The following CGNL1 variants were observed in gnomAD, a reference collection of about 807,000 sequenced individuals.
CGNL1 encodes cingulin like 1.
Under a neutral mutation model 141.2 loss-of-function variants are expected in CGNL1, and 132 were observed. The ratio of observed to expected loss-of-function variants is 0.93; its 90% confidence interval spans 0.81 to 1.08. The LOEUF is 1.08. CGNL1 is among the 50% of genes least tolerant of loss of function. The probability of loss-of-function intolerance (pLI) is 0.00; values close to 1 mark genes in which losing one functional copy is unlikely to be tolerated. For missense variants in CGNL1, 1,870 were observed against 1,588.6 expected, an observed-to-expected ratio of 1.18 and a Z score of -3.01; for synonymous variants, 690 against 622.1, an observed-to-expected ratio of 1.11 and a Z score of -1.63.
intron 6 of CGNL1, among the ~76,000 whole-genome samples, chr15:57,452,596 A>G (rs532034850): frequency 6.6e-6 from 1 of 152,292 alleles, no homozygotes; most frequent in East Asian, 1.9e-4. Flanking sequence ...TGATACTGAA[A>G]GACAGAGTTC....
chr15:57,427,447 G>T (rs1023461897), intron 1 of CGNL1, among the ~76,000 whole-genome samples: 1 of 152,206 alleles, frequency 6.6e-6, no homozygotes, highest in Non-Finnish European at 1.5e-5. Flanking sequence ...GACTGGGTTG[G>T]TTTGTGAATC....
chr15:57,430,274 C>T (rs766972401), intron 1 of CGNL1, among the ~76,000 whole-genome samples: 1 of 152,304 alleles, frequency 6.6e-6, no homozygotes, highest in Middle Eastern at 3.4e-3. Context: ...CCTGCTTCTG[C>T]ATCTCGGAGT....
intron 8 of CGNL1, among the ~76,000 whole-genome samples, chr15:57,466,286 A>G (rs2063510783): frequency 6.6e-6 from 1 of 152,076 alleles, no homozygotes; most frequent in African/African-American, 2.4e-5. Flanking sequence ...GTTCGTGGCC[A>G]TGGCTGGAAC....
intron 1 of CGNL1, among the ~76,000 whole-genome samples, chr15:57,428,910 C>G (rs545325548): frequency 3.1e-4 from 47 of 152,152 alleles, no homozygotes; most frequent in African/African-American, 1.0e-3. Context: ...GTAATCCCAG[C>G]TACTCCGGAG....
chr15:57,531,650 G>C (rs1302246929), intron 13 of CGNL1, 40 bp from the exon 14 acceptor site: 1 of 1,355,424 alleles, frequency 7.4e-7, no homozygotes, highest in Admixed American at 1.7e-5. Context: ...ATCCCGGTCA[G>C]TGCAAGTTAA....
intron 8 of CGNL1, among the ~76,000 whole-genome samples, chr15:57,496,400 A>C (rs548911292): frequency 1.3e-5 from 2 of 152,124 alleles, no homozygotes; most frequent in Non-Finnish European, 2.9e-5. Flanking sequence ...CACAAACCCT[A>C]TTGTTAACTG....
chr15:57,405,651 T>C (rs190313783), intron 1 of CGNL1, among the ~76,000 whole-genome samples: 1 of 152,294 alleles, frequency 6.6e-6, no homozygotes, highest in Admixed American at 6.5e-5. Context: ...CTGTGCCTTC[T>C]TATGTCCTCC....
chr15:57,386,245 G>T (rs1361919450), intron 1 of CGNL1, among the ~76,000 whole-genome samples: 3 of 152,124 alleles, frequency 2.0e-5, no homozygotes, highest in Non-Finnish European at 4.4e-5. Context: ...TGGTGGAGTG[G>T]GGCCTGTGCT....
Position 57,438,361 on chromosome 15 carries a change from T to C in CGNL1, c.362T>C (p.Leu121Pro). The change falls in exon 2 of 19, where the codon CTG (leucine) becomes CCG (proline). Residue 121 changes from leucine (L) to proline (P), a missense_variant. Coordinates refer to ENST00000281282, the MANE Select transcript of CGNL1 (RefSeq NM_032866.5). Reference sequence around the variant, plus strand: ...CCAATAAGAAACCTGAAACAGCCCCTGCTCCATGAGGGCAAGAATGGAGTT... The same window carrying C: ...CCAATAAGAAACCTGAAACAGCCCCCGCTCCATGAGGGCAAGAATGGAGTT... ...PSPIRNLKQP[L>P]LHEGKNGVLD... The C allele has an allele frequency of 1.2e-6, 2 of 1,614,110 alleles. No homozygotes were observed. Among genetic ancestry groups the C allele is most frequent in the East Asian group, 2.2e-5 (1 of 44,882 alleles).
At chr15:57,480,966 T>C (rs2063717429) in intron 8 of CGNL1, among the ~76,000 whole-genome samples, 1 of 151,996 alleles carries the variant, frequency 6.6e-6, no homozygotes. Context: ...TAATGAACAG[T>C]ACACCTTAAA....
In CGNL1 at chr15:57,452,006, T is replaced by C. The variant is rs543050684; in HGVS notation, c.1906-135T>C. ...TTTCTAGTTAAGAACTCCTGTGCCT[T>C]AATTATATAGTTTGATTAAGTTGTT... On this transcript the variant is annotated intron_variant, in intron 5 of 18. Coordinates refer to ENST00000281282, the MANE Select transcript of CGNL1 (RefSeq NM_032866.5). 19 of 696,184 alleles carry C rather than the reference T, an allele frequency of 2.7e-5. No individual in the cohort carries two copies. The African/African-American group carries it at 2.8e-4, about 10-fold the overall frequency. The allele number at this position is 696,184 out of a possible 1,614,324, so 43.1% of individuals were successfully genotyped here.
intron 8 of CGNL1, among the ~76,000 whole-genome samples, chr15:57,501,877 A>C (rs569713196): frequency 3.9e-5 from 6 of 152,252 alleles, no homozygotes; most frequent in African/African-American, 1.2e-4. Context: ...ACAGGGGGGA[A>C]GTTCTGGGAA....
At chr15:57,535,981 G>A (rs550364433) in intron 14 of CGNL1, among the ~76,000 whole-genome samples, 7 of 152,222 alleles carry the variant, frequency 4.6e-5, no homozygotes, top group South Asian at 2.1e-4. Flanking sequence ...GTATTAGTTC[G>A]TTCTCACACT....
chr15:57,427,619 T>C (rs1166791164), intron 1 of CGNL1, among the ~76,000 whole-genome samples: 3 of 152,250 alleles, frequency 2.0e-5, no homozygotes, highest in African/African-American at 7.2e-5. Flanking sequence ...GATCTGTTGT[T>C]TTGAGTGACC....
rs1183147320 is a variant in CGNL1, at chr15:57,550,392, G to GT, written c.*2908dup. 2 of 152,486 alleles carry GT rather than the reference G, an allele frequency of 1.3e-5. No individual in the cohort carries two copies. Among genetic ancestry groups the GT allele is most frequent in the African/African-American group, 4.8e-5 (2 of 41,392 alleles). The allele number at this position is 152,486 out of a possible 1,614,324, so 9.4% of individuals were successfully genotyped here. Reference sequence around the variant, plus strand: ...TATTATATATACATACTTTTCTTCTGTTTTTTGCTTTAAGAACTAACCCCG... The same window carrying GT: ...TATTATATATACATACTTTTCTTCTGTTTTTTTGCTTTAAGAACTAACCCCG... On this transcript the variant is annotated 3_prime_UTR_variant, in exon 19 of 19. Coordinates refer to ENST00000281282, the MANE Select transcript of CGNL1 (RefSeq NM_032866.5).
chr15:57,389,430 CT>C (rs2062518486), intron 1 of CGNL1, among the ~76,000 whole-genome samples: 1 of 152,146 alleles, frequency 6.6e-6, no homozygotes, highest in African/African-American at 2.4e-5. Context: ...AATTTCATGC[CT>C]TTTGTGTTTT....
At chr15:57,523,731 C>T (rs1426444981) in intron 11 of CGNL1, 90 bp downstream of exon 11, 21 of 1,413,194 alleles carry the variant, frequency 1.5e-5, no homozygotes, top group Non-Finnish European at 2.0e-5. Flanking sequence ...GCCTGGGAAA[C>T]CTGCAGTAGG....
intron 1 of CGNL1, among the ~76,000 whole-genome samples, chr15:57,428,284 C>T (rs1449828437): frequency 1.3e-5 from 2 of 152,210 alleles, no homozygotes; most frequent in Non-Finnish European, 2.9e-5. Context: ...GGTCTCTGCT[C>T]AAGAAAGAGT....
intron 8 of CGNL1, among the ~76,000 whole-genome samples, chr15:57,503,670 G>T (rs1344631821): frequency 1.3e-5 from 2 of 152,194 alleles, no homozygotes; most frequent in African/African-American, 4.8e-5. Flanking sequence ...AAGAGGTTTA[G>T]TTGGACTTAG....
Sources: gnomAD v4.1 joint callset for allele counts (sites outside exome capture counted in the v4.1 genomes callset) on GRCh38, gnomAD v4.1.1 for gene constraint, MANE v1.5 for transcripts, NCBI Gene and HGNC (gene_info 2026-07-23, HGNC 2026-07-21) for gene names.